The following EIF4G3 variants were observed in gnomAD, a reference collection of about 807,000 sequenced individuals.
EIF4G3 encodes the protein eIF-4-gamma 3.
Under a neutral mutation model 186.4 loss-of-function variants are expected in EIF4G3, and 34 were observed. The observed-to-expected ratio is 0.18, with a 90% CI of 0.14 to 0.24. EIF4G3 has a LOEUF of 0.24. EIF4G3 is among the 10% of genes least tolerant of loss of function. The probability of loss-of-function intolerance (pLI) is 1.00; values close to 1 mark genes in which losing one functional copy is unlikely to be tolerated. For synonymous variants in EIF4G3, 673 were observed against 679.5 expected (o/e 0.99, Z 0.15); for missense variants, 1,536 against 1,948.5 (o/e 0.79, Z 3.99).
chr1:20,894,383 T>C (rs1179101105), intron 17 of EIF4G3, among the ~76,000 whole-genome samples: 2 of 152,238 alleles, frequency 1.3e-5, no homozygotes, highest in Non-Finnish European at 1.5e-5. Context: ...CATTAATCAG[T>C]CATTCAGCTG....
intron 25 of EIF4G3, among the ~76,000 whole-genome samples, 193 bp downstream of exon 25, chr1:20,857,210 T>C (rs1424088996): frequency 2.8e-5 from 4 of 145,372 alleles, no homozygotes; most frequent in South Asian, 4.5e-4. Flanking sequence ...GTAGAATACA[T>C]TGATCAATAG....
At chr1:20,869,513 C>T (rs1367341207) in intron 20 of EIF4G3, among the ~76,000 whole-genome samples, 6 of 151,622 alleles carry the variant, frequency 4.0e-5, no homozygotes, top group African/African-American at 7.3e-5. Flanking sequence ...CAGTGGCTCA[C>T]GCCTGTAATC....
chr1:20,952,004 T>C (rs1478292621), intron 12 of EIF4G3, among the ~76,000 whole-genome samples: 4 of 152,150 alleles, frequency 2.6e-5, no homozygotes, highest in Non-Finnish European at 5.9e-5. Context: ...AGTACATAGG[T>C]ATATAGCCAC....
intron 34 of EIF4G3, among the ~76,000 whole-genome samples, chr1:20,813,916 C>T (rs1217102857): frequency 6.8e-6 from 1 of 147,190 alleles, no homozygotes; most frequent in African/African-American, 2.5e-5. Context: ...AACATCAGGA[C>T]TGATCTGGCA....
At chr1:21,036,752 G>A (rs1456392840) in intron 4 of EIF4G3, among the ~76,000 whole-genome samples, 3 of 152,048 alleles carry the variant, frequency 2.0e-5, no homozygotes, top group Admixed American at 2.0e-4. Flanking sequence ...GTGGTGGCAT[G>A]CACCTATAGT....
At chr1:20,839,391 G>A (rs1009639675) in intron 30 of EIF4G3, among the ~76,000 whole-genome samples, 2 of 152,334 alleles carry the variant, frequency 1.3e-5, no homozygotes, top group Admixed American at 6.5e-5. Context: ...GATTACAGGC[G>A]TGAGTCACCA....
At chr1:20,998,777 ACCACTC>A in intron 6 of EIF4G3, 1 of 384,196 alleles carries the variant, frequency 2.6e-6, no homozygotes, top group South Asian at 2.0e-5. Flanking sequence ...TGTAATGTTA[ACCACTC>A]CCTTTAATAG....
At chr1:21,120,846 T>C (rs2096913687) in intron 2 of EIF4G3, among the ~76,000 whole-genome samples, 1 of 152,192 alleles carries the variant, frequency 6.6e-6, no homozygotes, top group Non-Finnish European at 1.5e-5. Context: ...TTTTTACTTT[T>C]TACTAGCTTC....
intron 10 of EIF4G3, among the ~76,000 whole-genome samples, chr1:20,979,103 G>C (rs4654893): frequency 0.39 from 59,739 of 151,888 alleles, 12,468 homozygotes; most frequent in Middle Eastern, 0.52. Context: ...AATTTTTCTA[G>C]TATCTACTAA....
intron 36 of EIF4G3, among the ~76,000 whole-genome samples, chr1:20,809,751 T>A (rs1274696505): frequency 1.3e-5 from 2 of 152,204 alleles, no homozygotes; most frequent in Non-Finnish European, 2.9e-5. Flanking sequence ...TAGTCAAACA[T>A]GGTTATTTAA....
chr1:21,024,153 T>C (rs2091559287), intron 4 of EIF4G3, among the ~76,000 whole-genome samples: 1 of 137,112 alleles, frequency 7.3e-6, no homozygotes, highest in Non-Finnish European at 1.7e-5. Context: ...AGTCACCCCG[T>C]CCGGGAGGGA....
chr1:21,077,807 G>A (rs190973206), intron 3 of EIF4G3, among the ~76,000 whole-genome samples: 142 of 151,340 alleles, frequency 9.4e-4, no homozygotes, highest in Non-Finnish European at 1.7e-3. Context: ...TTGAACCCAG[G>A]AGGCGGAGGT....
chr1:20,874,217 T>TGG (rs535124390), intron 20 of EIF4G3, among the ~76,000 whole-genome samples: 4 of 152,330 alleles, frequency 2.6e-5, no homozygotes, highest in Admixed American at 2.6e-4. Context: ...GTAATGGGAT[T>TGG]GTTGGGTCAA....
At chr1:21,053,415 G>GT (rs1436758229) in intron 3 of EIF4G3, among the ~76,000 whole-genome samples, 1 of 151,400 alleles carries the variant, frequency 6.6e-6, no homozygotes, top group Non-Finnish European at 1.5e-5. Flanking sequence ...TGGAAGGGAG[G>GT]TGGGGGGGTT....
intron 32 of EIF4G3, 140 bp downstream of exon 32, chr1:20,827,477 G>C: frequency 2.5e-6 from 1 of 395,972 alleles, no homozygotes; most frequent in Non-Finnish European, 4.5e-6. Context: ...ATGCACCTCA[G>C]AAAGAAACTG....
chr1:21,100,929 C>T (rs747602994), intron 2 of EIF4G3, among the ~76,000 whole-genome samples: 3 of 152,042 alleles, frequency 2.0e-5, no homozygotes, highest in Non-Finnish European at 4.4e-5. Context: ...ATGGAAACCA[C>T]CCAACCTGCT....
intron 2 of EIF4G3, among the ~76,000 whole-genome samples, chr1:21,153,432 C>T (rs959338807): frequency 6.6e-6 from 1 of 152,170 alleles, no homozygotes; most frequent in African/African-American, 2.4e-5. Flanking sequence ...CATTCTAACC[C>T]TCGCATTCTA....
intron 7 of EIF4G3, among the ~76,000 whole-genome samples, chr1:20,997,358 C>T (rs1188234229): frequency 1.6e-5 from 2 of 127,120 alleles, no homozygotes; most frequent in African/African-American, 5.3e-5. Flanking sequence ...CAATGCTTGG[C>T]AAGAAAAAAA....
At chr1:20,991,746 G>A (rs368077074) in intron 7 of EIF4G3, among the ~76,000 whole-genome samples, 3 of 152,164 alleles carry the variant, frequency 2.0e-5, no homozygotes, top group African/African-American at 7.2e-5. Context: ...GTCAGGAACA[G>A]GAGGTGTTCT....
Sources: allele counts gnomAD v4.1 joint callset (sites outside exome capture counted in the v4.1 genomes callset), GRCh38; gene constraint gnomAD v4.1.1; transcripts MANE v1.5; gene names NCBI Gene and HGNC (gene_info 2026-07-23, HGNC 2026-07-21).